The following PTN variants were observed in gnomAD, a reference collection of about 807,000 sequenced individuals.
The protein encoded by PTN is pleiotrophin.
A neutral mutation model predicts 24.1 loss-of-function variants in PTN; 18 were observed. The ratio of observed to expected loss-of-function variants is 0.75; its 90% CI spans 0.52 to 1.11. PTN has a LOEUF of 1.11. PTN is among the 50% of genes least tolerant of loss of function. PTN has a pLI of 0.00. For missense variants in PTN, 163 were observed against 198.8 expected, an observed-to-expected ratio of 0.82 and a Z score of 1.08; for synonymous variants, 78 against 68.6, an observed-to-expected ratio of 1.14 and a Z score of -0.67.
intron 1 of PTN, among the ~76,000 whole-genome samples, chr7:137,290,371 T>G (rs937032993): frequency 2.6e-5 from 4 of 152,184 alleles, no homozygotes; most frequent in African/African-American, 9.7e-5. Flanking sequence ...GATTAAGACT[T>G]TAATGGGTAT....
Position 137,275,430 on chromosome 7 carries a change from A to G in PTN, c.-1-20456T>C, listed in dbSNP as rs186714594. Among the ~76,000 whole-genome samples the G allele has an allele frequency of 3.7e-3, 566 of 152,304 alleles. 4 individuals are homozygous for G. Among genetic ancestry groups the G allele is most frequent in the African/African-American group, 0.012 (516 of 41,564 alleles). ...TATATGAAAGATAATATCCCAAGTT[A>G]TGAGGGAGATACAGATGGGAATTAC... On this transcript the variant is annotated intron_variant, in intron 1 of 4. Transcript: ENST00000348225.
At chr7:137,336,941 CA>C (rs1810458892) in intron 1 of PTN, among the ~76,000 whole-genome samples, 1 of 152,196 alleles carries the variant, frequency 6.6e-6, no homozygotes, top group South Asian at 2.1e-4. Flanking sequence ...AGAAAGACCA[CA>C]ATATTTGCTC....
At chr7:137,241,344 T>C (rs371261772) in intron 4 of PTN, among the ~76,000 whole-genome samples, 14 of 152,184 alleles carry the variant, frequency 9.2e-5, no homozygotes, top group Non-Finnish European at 1.5e-4. Flanking sequence ...TCACAGAGTT[T>C]TGTGAATATT....
At chr7:137,264,689 C>T (rs1809106363) in intron 1 of PTN, among the ~76,000 whole-genome samples, 1 of 152,136 alleles carries the variant, frequency 6.6e-6, no homozygotes, top group African/African-American at 2.4e-5. Context: ...TTGCAAACTT[C>T]GACGGTTATG....
At chr7:137,339,440 C>T (rs1033732445) in intron 1 of PTN, among the ~76,000 whole-genome samples, 8 of 151,768 alleles carry the variant, frequency 5.3e-5, no homozygotes, top group Admixed American at 3.3e-4. Flanking sequence ...AGTAGGACCC[C>T]GAGACGATGT....
At chr7:137,237,695 G>T (rs114123311) in intron 4 of PTN, among the ~76,000 whole-genome samples, 40 of 152,104 alleles carry the variant, frequency 2.6e-4, no homozygotes, top group African/African-American at 8.7e-4. Flanking sequence ...CTGTAAGCAG[G>T]TGAGCTATTC....
At chr7:137,243,573 T>A (rs986554213) in intron 4 of PTN, among the ~76,000 whole-genome samples, 3 of 152,172 alleles carry the variant, frequency 2.0e-5, no homozygotes, top group Non-Finnish European at 4.4e-5. Context: ...TCCCTTCTTG[T>A]GTTTAGAGGT....
At chr7:137,303,408 G>A (rs201298853) in intron 1 of PTN, among the ~76,000 whole-genome samples, 2 of 151,820 alleles carry the variant, frequency 1.3e-5, no homozygotes, top group African/African-American at 4.8e-5. Context: ...GACAAAACTA[G>A]AAGGCTAATC....
chr7:137,325,162 T>C (rs987449728), intron 1 of PTN, among the ~76,000 whole-genome samples: 1 of 152,160 alleles, frequency 6.6e-6, no homozygotes, highest in Admixed American at 6.6e-5. Flanking sequence ...AAATATAATA[T>C]GCCCTGTGTT....
intron 1 of PTN, among the ~76,000 whole-genome samples, chr7:137,310,312 T>A (rs995215628): frequency 3.3e-5 from 5 of 151,820 alleles, no homozygotes; most frequent in Admixed American, 1.3e-4. Context: ...ACAGGCAGAG[T>A]AGGTTCAGCA....
chr7:137,287,374 C>T (rs539044342), intron 1 of PTN, among the ~76,000 whole-genome samples: 3 of 152,152 alleles, frequency 2.0e-5, no homozygotes, highest in East Asian at 1.9e-4. Context: ...TAAAGCTTGT[C>T]GGCTATTGTT....
intron 1 of PTN, 129 bp downstream of exon 1, chr7:137,343,310 C>T (rs956109553): frequency 2.7e-6 from 1 of 366,914 alleles, no homozygotes; most frequent in African/African-American, 2.1e-5. Context: ...GCAGTCCTAT[C>T]AGCAAAGACA....
intron 1 of PTN, among the ~76,000 whole-genome samples, chr7:137,333,588 G>A (rs996186140): frequency 3.3e-5 from 5 of 152,214 alleles, no homozygotes; most frequent in East Asian, 3.9e-4. Context: ...AGTTATAGAC[G>A]TTAAAATGTG....
At chr7:137,325,162 T>G (rs987449728) in intron 1 of PTN, among the ~76,000 whole-genome samples, 1 of 152,160 alleles carries the variant, frequency 6.6e-6, no homozygotes, top group African/African-American at 2.4e-5. Flanking sequence ...AAATATAATA[T>G]GCCCTGTGTT....
At chr7:137,236,959 G>A (rs939817502) in intron 4 of PTN, among the ~76,000 whole-genome samples, 1 of 151,968 alleles carries the variant, frequency 6.6e-6, no homozygotes, top group Admixed American at 6.6e-5. Flanking sequence ...AATTTTAGTA[G>A]GTACAGTCCC....
chr7:137,282,600 A>G (rs1809490658), intron 1 of PTN, among the ~76,000 whole-genome samples: 1 of 152,148 alleles, frequency 6.6e-6, no homozygotes, highest in Non-Finnish European at 1.5e-5. Flanking sequence ...AAGAAAAAAA[A>G]TGATGTAACT....
At chr7:137,259,924 T>C (rs1809003928) in intron 1 of PTN, among the ~76,000 whole-genome samples, 1 of 152,102 alleles carries the variant, frequency 6.6e-6, no homozygotes, top group African/African-American at 2.4e-5. Context: ...AACATCTCAC[T>C]TTGCAACTAC....
intron 4 of PTN, among the ~76,000 whole-genome samples, chr7:137,235,184 G>A (rs1172666227): frequency 6.6e-6 from 1 of 152,026 alleles, no homozygotes; most frequent in Non-Finnish European, 1.5e-5. Flanking sequence ...ACGTAAATAT[G>A]TTCAAAAGCC....
intron 3 of PTN, 25 bp from the exon 4 acceptor site, chr7:137,251,416 G>T (rs1442749470): frequency 1.9e-6 from 3 of 1,604,980 alleles, no homozygotes; most frequent in Non-Finnish European, 2.6e-6. Context: ...GAACCAAACA[G>T]AAATCCTTGA....
Sources: gnomAD v4.1 joint callset for allele counts (sites outside exome capture counted in the v4.1 genomes callset) on GRCh38, gnomAD v4.1.1 for gene constraint, MANE v1.5 for transcripts, NCBI Gene and HGNC (gene_info 2026-07-23, HGNC 2026-07-21) for gene names.